GLI2: variants seen among roughly 807,000 people sequenced by gnomAD.
GLI2 encodes the protein transcription activator GLI2.
GLI2 carries 22 observed loss-of-function variants against 78.9 expected under a neutral mutation model. The ratio of observed to expected loss-of-function variants is 0.28; its 90% CI spans 0.20 to 0.40. The LOEUF (loss-of-function observed/expected upper bound fraction) is 0.40, where lower values mean the gene tolerates loss of function less well. GLI2 is among the 10% of genes least tolerant of loss of function. GLI2 has a pLI of 1.00. For synonymous variants in GLI2, 974 were observed against 963.7 expected, an observed-to-expected ratio of 1.01 and a Z score of -0.20; for missense variants, 2,097 against 2,213.2, an observed-to-expected ratio of 0.95 and a Z score of 1.05.
At chr2:120,809,039 C>G (rs13393324) in intron 2 of GLI2, among the ~76,000 whole-genome samples, 4,573 of 152,188 alleles carry the variant, frequency 0.03, 215 homozygotes, top group African/African-American at 0.098. Context: ...AATTGAAAAC[C>G]TATGTGCACA....
At chr2:120,864,365 A>G (rs1183107765) in intron 2 of GLI2, among the ~76,000 whole-genome samples, 1 of 150,332 alleles carries the variant, frequency 6.7e-6, no homozygotes, top group African/African-American at 2.5e-5. Flanking sequence ...CCCATCTCCA[A>G]CCTCTGCCCC....
intron 2 of GLI2, among the ~76,000 whole-genome samples, chr2:120,820,546 GC>G (rs1230671716): frequency 6.6e-6 from 1 of 152,220 alleles, no homozygotes; most frequent in Non-Finnish European, 1.5e-5. Context: ...CTGGGACCCT[GC>G]CCCAGCAACC....
intron 2 of GLI2, among the ~76,000 whole-genome samples, chr2:120,814,716 T>A (rs1335052155): frequency 1.3e-5 from 2 of 152,156 alleles, no homozygotes; most frequent in Non-Finnish European, 2.9e-5. Context: ...GGTTGCGTGC[T>A]CCTTATGAGA....
chr2:120,936,332 C>G (rs932443124), intron 3 of GLI2, among the ~76,000 whole-genome samples: 5 of 139,340 alleles, frequency 3.6e-5, no homozygotes, highest in Admixed American at 6.8e-5. Flanking sequence ...GACCCCTGCT[C>G]TCATCACTGC....
chr2:120,891,691 T>G (rs1234088502), intron 2 of GLI2, among the ~76,000 whole-genome samples: 3 of 152,158 alleles, frequency 2.0e-5, no homozygotes, highest in African/African-American at 7.2e-5. Flanking sequence ...GAGCCGGCTA[T>G]GCTCCTGGCT....
intron 1 of GLI2, among the ~76,000 whole-genome samples, chr2:120,778,503 C>T (rs184069364): frequency 1.3e-5 from 2 of 152,124 alleles, no homozygotes; most frequent in African/African-American, 2.4e-5. Context: ...GACTGTGTGG[C>T]GGGGCGTGTG....
intron 1 of GLI2, among the ~76,000 whole-genome samples, chr2:120,768,022 G>A (rs981562192): frequency 5.9e-5 from 9 of 152,138 alleles, no homozygotes; most frequent in African/African-American, 2.2e-4. Context: ...TGGCTGTCCC[G>A]ACGCTCCTGG....
chr2:120,908,429 C>T (rs1200927306), intron 2 of GLI2, among the ~76,000 whole-genome samples: 1 of 152,202 alleles, frequency 6.6e-6, no homozygotes, highest in Non-Finnish European at 1.5e-5. Context: ...ATGGAGGCCC[C>T]CTCTTCTGAG....
chr2:120,988,439 G>A lies in GLI2; in HGVS notation c.2474G>A (p.Gly825Asp), dbSNP rs772290292. 1 of 1,573,658 alleles carries A rather than the reference G, an allele frequency of 6.4e-7. No homozygotes were observed. The highest frequency in any genetic ancestry group is 1.1e-5 in the South Asian group (1 of 87,616). The part of the protein sequence containing the change: ...SRRSSEASPL[G>D]AGRPHNASSA... ...CGCTCCAGCGAGGCCTCGCCCCTGGGCGCCGGCCGCCCGCACAACGCGAGC... is the reference window on the plus strand; with the variant it reads ...CGCTCCAGCGAGGCCTCGCCCCTGGACGCCGGCCGCCCGCACAACGCGAGC... Residue 825 changes from glycine (G) to aspartate (D), a missense_variant, in exon 14 of 14, where the codon GGC becomes GAC. Gly to Asp is a moderately conservative substitution (Grantham distance 94, BLOSUM62 -1). This residue lies in a region of GLI2 where 1,290 missense variants were observed against 1,261.7 expected (regional missense o/e 1.02). Coordinates refer to ENST00000361492, the MANE Select transcript of GLI2 (RefSeq NM_001374353.1).
chr2:120,835,982 T>C (rs1007017646), intron 2 of GLI2, among the ~76,000 whole-genome samples: 1 of 152,126 alleles, frequency 6.6e-6, no homozygotes, highest in Non-Finnish European at 1.5e-5. Context: ...GAGTGTGCAT[T>C]GTTTATAGAG....
At position 120,797,439 on chromosome 2, in the gene GLI2, C is replaced by T. The variant is rs146868972; in HGVS notation, c.119C>T (p.Ala40Val). Residue 40 changes from alanine to valine, a missense_variant, in exon 2 of 14, where the codon GCG (alanine) becomes GTG (valine). Transcript: ENST00000361492. ...GCCTCTCCTTTGGTGGTGGCTGCAG[C>T]GGCAGCAGCAGCGGTAGCTGCCCAA... ...KKASPLVVAA[A>V]AAAAVAAQGV... 90 of 1,613,922 alleles carry T rather than the reference C, an allele frequency of 5.6e-5. No homozygotes were observed. Among genetic ancestry groups the T allele is most frequent in the Non-Finnish European group, 6.7e-5 (79 of 1,179,834 alleles).
chr2:120,776,852 GCCAC>G (rs1040812999), intron 1 of GLI2, among the ~76,000 whole-genome samples: 2 of 152,214 alleles, frequency 1.3e-5, no homozygotes, highest in African/African-American at 4.8e-5. Flanking sequence ...CTGCCTCTGA[GCCAC>G]CCTGTGAGTG....
intron 5 of GLI2, among the ~76,000 whole-genome samples, chr2:120,958,661 A>G (rs747037813): frequency 2.6e-5 from 4 of 151,772 alleles, no homozygotes; most frequent in Non-Finnish European, 4.4e-5. Context: ...ATCTCTCTCC[A>G]CTGCACACTG....
At position 120,970,548 on chromosome 2, in the gene GLI2, T is replaced by C. The variant is rs1682095419; in HGVS notation, c.1001T>C (p.Ile334Thr). 1.2e-6 allele frequency: 2 copies of C among 1,614,098 alleles called. No individual in the cohort carries two copies. Among genetic ancestry groups the C allele is most frequent in the Non-Finnish European group, 8.5e-7 (1 of 1,180,012 alleles). The change falls in exon 7 of 14, where the codon ATC becomes ACC. Residue 334 changes from isoleucine (I) to threonine (T), a missense_variant. This residue lies in a region of GLI2 where 578 missense variants were observed against 612.0 expected (regional missense o/e 0.94). Coordinates refer to ENST00000361492, the MANE Select transcript of GLI2 (RefSeq NM_001374353.1). ...CAGCAGCCCATGGCCCTCACCTCCA[T>C]CAATGCCACGCCCACCCAGCTCAGC... ...LAQQPMALTS[I>T]NATPTQLSSS... is the part of the protein sequence containing the mutation.
At chr2:120,881,354 G>C (rs1221389448) in intron 2 of GLI2, among the ~76,000 whole-genome samples, 3 of 145,204 alleles carry the variant, frequency 2.1e-5, no homozygotes, top group Admixed American at 1.4e-4. Context: ...AGGATGGGTG[G>C]AGAAGGACAG....
chr2:120,771,548 T>A (rs1683523827), intron 1 of GLI2, among the ~76,000 whole-genome samples: 1 of 102,558 alleles, frequency 9.8e-6, no homozygotes. Flanking sequence ...AAGATGTTTC[T>A]GTTGAAAGCC....
intron 2 of GLI2, among the ~76,000 whole-genome samples, chr2:120,911,726 G>T (rs540143160): frequency 6.6e-6 from 1 of 152,116 alleles, no homozygotes; most frequent in South Asian, 2.1e-4. Context: ...CTGCGGTGGA[G>T]GGGGGTGGCA....
chr2:120,941,467 TGTCG>T (rs1473676359), intron 3 of GLI2, among the ~76,000 whole-genome samples: 1 of 152,198 alleles, frequency 6.6e-6, no homozygotes, highest in Non-Finnish European at 1.5e-5. Flanking sequence ...TGTTTCTATT[TGTCG>T]GTAGAGCCGA....
chr2:120,886,074 T>C (rs1173576998), intron 2 of GLI2, among the ~76,000 whole-genome samples: 1 of 144,990 alleles, frequency 6.9e-6, no homozygotes, highest in Non-Finnish European at 1.5e-5. Flanking sequence ...AAAGTAAATT[T>C]GTGTGTGTGT....
Sources: gnomAD v4.1 joint callset for allele counts (sites outside exome capture counted in the v4.1 genomes callset) on GRCh38, gnomAD v4.1.1 for gene constraint, gnomAD v4.1.1 regional missense constraint, MANE v1.5 for transcripts, NCBI Gene and HGNC (gene_info 2026-07-23, HGNC 2026-07-21) for gene names.